Variants in ZDHHC14 observed in about 807,000 individuals in gnomAD.
The protein encoded by ZDHHC14 is palmitoyltransferase ZDHHC14.
ZDHHC14 carries 16 observed loss-of-function variants against 47.7 expected under a neutral mutation model. The ratio of observed to expected loss-of-function variants is 0.34; its 90% CI spans 0.23 to 0.51. The LOEUF is 0.51. ZDHHC14 is among the 20% of genes least tolerant of loss of function. ZDHHC14 has a pLI of 0.97. For synonymous variants in ZDHHC14, 293 were observed against 278.9 expected, an observed-to-expected ratio of 1.05 and a Z score of -0.50; for missense variants, 515 against 662.5, an observed-to-expected ratio of 0.78 and a Z score of 2.44.
chr6:157,672,609 T>G, intron 8 of ZDHHC14, 115 bp from the exon 9 acceptor site: 21 of 1,137,602 alleles, frequency 1.8e-5, no homozygotes, highest in South Asian at 4.7e-5. Flanking sequence ...TCACTAACGG[T>G]TTCTCTCTTC....
At chr6:157,483,173 A>G (rs1261876074) in intron 1 of ZDHHC14, among the ~76,000 whole-genome samples, 1 of 152,178 alleles carries the variant, frequency 6.6e-6, no homozygotes, top group African/African-American at 2.4e-5. Context: ...TTTTGATGTG[A>G]TTCTCTTGCA....
intron 1 of ZDHHC14, among the ~76,000 whole-genome samples, chr6:157,384,741 A>G (rs2800442): frequency 0.85 from 128,632 of 152,136 alleles, 54,672 homozygotes; most frequent in Middle Eastern, 0.95. Context: ...TAAATAACCA[A>G]TTTGACCAAA....
chr6:157,567,857 C>G (rs1782964692), intron 2 of ZDHHC14, among the ~76,000 whole-genome samples: 1 of 151,226 alleles, frequency 6.6e-6, no homozygotes, highest in South Asian at 2.1e-4. Flanking sequence ...TGTGGTTACA[C>G]TGAAGTAGTC....
chr6:157,562,137 G>A (rs551263252), intron 2 of ZDHHC14, among the ~76,000 whole-genome samples: 20 of 152,292 alleles, frequency 1.3e-4, no homozygotes, highest in African/African-American at 3.4e-4. Flanking sequence ...GCAGTCAGAC[G>A]GAGCAGCTGC....
chr6:157,401,948 T>G (rs139147101), intron 1 of ZDHHC14, among the ~76,000 whole-genome samples: 1,525 of 138,110 alleles, frequency 0.011, 24 homozygotes, highest in African/African-American at 0.039. Context: ...ACCTGCTGGG[T>G]CACAGCAAGT....
chr6:157,540,619 C>T (rs1781708514), intron 1 of ZDHHC14, among the ~76,000 whole-genome samples: 3 of 152,242 alleles, frequency 2.0e-5, no homozygotes, highest in East Asian at 3.9e-4. Flanking sequence ...GCTGTGCCCT[C>T]GCTGAAACTG....
intron 1 of ZDHHC14, among the ~76,000 whole-genome samples, chr6:157,499,615 T>C (rs182034655): frequency 9.5e-4 from 144 of 152,352 alleles, no homozygotes; most frequent in African/African-American, 3.4e-3. Flanking sequence ...CAAAAGGGTT[T>C]TGTTACTGCC....
chr6:157,462,651 T>C (rs953429183), intron 1 of ZDHHC14, among the ~76,000 whole-genome samples: 3 of 152,372 alleles, frequency 2.0e-5, no homozygotes, highest in Admixed American at 6.5e-5. Context: ...CTTTGCATTA[T>C]AACTCTTAGA....
At chr6:157,540,927 T>C (rs1781734307) in intron 1 of ZDHHC14, among the ~76,000 whole-genome samples, 1 of 146,930 alleles carries the variant, frequency 6.8e-6, no homozygotes, top group Non-Finnish European at 1.5e-5. Flanking sequence ...TATATATATA[T>C]ATATATAATT....
intron 1 of ZDHHC14, among the ~76,000 whole-genome samples, chr6:157,508,596 C>T (rs1780386496): frequency 6.6e-6 from 1 of 152,106 alleles, no homozygotes; most frequent in Non-Finnish European, 1.5e-5. Context: ...TGGTCTTGAA[C>T]TCCTGGGCTC....
chr6:157,415,615 C>T (rs1422774955), intron 1 of ZDHHC14, among the ~76,000 whole-genome samples: 3 of 152,172 alleles, frequency 2.0e-5, no homozygotes, highest in African/African-American at 4.8e-5. Context: ...TGACTTACAC[C>T]TGTAATCCCA....
At chr6:157,602,335 C>T (rs1380376316) in intron 3 of ZDHHC14, among the ~76,000 whole-genome samples, 4 of 151,818 alleles carry the variant, frequency 2.6e-5, no homozygotes, top group South Asian at 2.1e-4. Flanking sequence ...GGTGAAACCC[C>T]GTCTCTACTA....
At chr6:157,474,892 G>A (rs2114829906) in intron 1 of ZDHHC14, among the ~76,000 whole-genome samples, 1 of 152,108 alleles carries the variant, frequency 6.6e-6, no homozygotes, top group East Asian at 1.9e-4. Flanking sequence ...GCTGTGCAGA[G>A]CTTTTCAGTT....
rs1218640517 is a variant in ZDHHC14 at position 157,674,452 on chromosome 6, G to C, written c.*1330G>C. ...TTTGTTCACTTTCATTGGTCACCTA[G>C]AAGGGAACGAACTGGCTCTGGACTT... On this transcript the variant is annotated 3_prime_UTR_variant, in exon 9 of 9. Coordinates refer to ENST00000359775, the MANE Select transcript of ZDHHC14 (RefSeq NM_024630.3). 6.6e-6 allele frequency: 1 copy of C among 152,196 alleles called. No homozygotes were observed. The highest frequency in any genetic ancestry group is 1.5e-5 in the Non-Finnish European group (1 of 68,020). 9.4% of individuals were successfully genotyped at this position (152,196 alleles called of 1,614,324 possible).
intron 3 of ZDHHC14, among the ~76,000 whole-genome samples, chr6:157,622,400 A>G (rs573154490): frequency 6.6e-6 from 1 of 152,128 alleles, no homozygotes; most frequent in Non-Finnish European, 1.5e-5. Flanking sequence ...CAAAATATAA[A>G]TAAATAAAAT....
intron 8 of ZDHHC14, among the ~76,000 whole-genome samples, chr6:157,657,483 C>G (rs538017592): frequency 1.3e-4 from 20 of 152,294 alleles, no homozygotes; most frequent in African/African-American, 4.3e-4. Context: ...AACACTCCAG[C>G]GTCACAGCCC....
Position 157,675,019 on chromosome 6 carries a change from AC to A in ZDHHC14, c.*1898del, listed in dbSNP as rs1778947400. 6.6e-6 allele frequency: 1 copy of A among 152,226 alleles called. No individual in the cohort carries two copies. Among genetic ancestry groups the A allele is most frequent in the Admixed American group, 6.5e-5 (1 of 15,286 alleles). The allele number at this position is 152,226 out of a possible 1,614,324, so 9.4% of individuals were successfully genotyped here. A position where few individuals can be genotyped will look rare whatever the true frequency, so the allele number is the denominator to read the frequency against. ...CAACTCACAGGGATTCTCCTTGTCC[AC>A]GCTACCTGTGAGCCCAAAGTGACAG... is the stretch of plus-strand genomic sequence containing the variant. On this transcript the variant is annotated 3_prime_UTR_variant, in exon 9 of 9. Transcript: ENST00000359775.
intron 8 of ZDHHC14, among the ~76,000 whole-genome samples, chr6:157,655,718 G>A (rs1778056044): frequency 6.6e-6 from 1 of 152,224 alleles, no homozygotes; most frequent in Non-Finnish European, 1.5e-5. Context: ...GGGGTCAGCA[G>A]TCAGGGGGCA....
intron 1 of ZDHHC14, among the ~76,000 whole-genome samples, chr6:157,440,750 C>T (rs1778545075): frequency 6.6e-6 from 1 of 152,156 alleles, no homozygotes. Context: ...AGTACTGATA[C>T]ATGGTACAAC....
Sources: allele counts gnomAD v4.1 joint callset (sites outside exome capture counted in the v4.1 genomes callset), GRCh38; gene constraint gnomAD v4.1.1; transcripts MANE v1.5; gene names NCBI Gene and HGNC (gene_info 2026-07-23, HGNC 2026-07-21).